Variants in ADGB observed in about 807,000 individuals in gnomAD.
ADGB encodes the protein calpain-7-like protein.
In ADGB, 172 loss-of-function variants were observed where a neutral mutation model predicts 210.5. The observed-to-expected ratio is 0.82, with a 90% CI of 0.72 to 0.93. The LOEUF is 0.93. ADGB is among the 40% of genes least tolerant of loss of function. ADGB has a pLI of 0.00. For synonymous variants in ADGB, 658 were observed against 662.7 expected (o/e 0.99, Z 0.11); for missense variants, 2,025 against 1,964.8 (o/e 1.03, Z -0.58).
At chr6:146,779,273 T>C (rs1024919525) in intron 29 of ADGB, among the ~76,000 whole-genome samples, 2 of 152,210 alleles carry the variant, frequency 1.3e-5, no homozygotes, top group African/African-American at 4.8e-5. Context: ...TCTGAGATTA[T>C]GCAGTCTGAG....
intron 5 of ADGB, among the ~76,000 whole-genome samples, chr6:146,662,167 T>A (rs1226920186): frequency 1.3e-5 from 2 of 152,188 alleles, no homozygotes; most frequent in African/African-American, 4.8e-5. Flanking sequence ...TGTAGGTTTA[T>A]GTCTTATGAC....
At chr6:146,663,207 T>A (rs1366510941) in intron 5 of ADGB, among the ~76,000 whole-genome samples, 1 of 143,068 alleles carries the variant, frequency 7.0e-6, no homozygotes, top group Non-Finnish European at 1.5e-5. Context: ...TAAGGTTTTT[T>A]ATATATATAT....
chr6:146,700,712 C>G (rs1776477707), intron 12 of ADGB, among the ~76,000 whole-genome samples: 1 of 151,988 alleles, frequency 6.6e-6, no homozygotes, highest in African/African-American at 2.4e-5. Context: ...AAATAGTGTT[C>G]TAGAATTTTT....
At chr6:146,736,464 G>C (rs564564335) in intron 22 of ADGB, 34 bp from the exon 23 acceptor site, 4 of 1,362,254 alleles carry the variant, frequency 2.9e-6, no homozygotes, top group East Asian at 2.5e-5. Flanking sequence ...GCATCTTAAA[G>C]CTTAACGTTT....
chr6:146,784,501 A>G (rs1296526949), intron 30 of ADGB, 117 bp from the exon 31 acceptor site: 2 of 851,664 alleles, frequency 2.3e-6, no homozygotes, highest in African/African-American at 1.8e-5. Context: ...TTGTGAATAT[A>G]TGTTTTCATT....
At chr6:146,632,045 T>C (rs1781074174) in intron 1 of ADGB, among the ~76,000 whole-genome samples, 1 of 151,996 alleles carries the variant, frequency 6.6e-6, no homozygotes, top group African/African-American at 2.4e-5. Flanking sequence ...CTCAGTGTAT[T>C]AGTTTCTTAT....
At chr6:146,762,451 T>C (rs1777505878) in intron 27 of ADGB, among the ~76,000 whole-genome samples, 2 of 152,162 alleles carry the variant, frequency 1.3e-5, no homozygotes, top group Admixed American at 1.3e-4. Context: ...TTAAGCACAT[T>C]TTAAATAGCT....
At chr6:146,795,571 T>G (rs892164009) in intron 33 of ADGB, among the ~76,000 whole-genome samples, 2 of 152,104 alleles carry the variant, frequency 1.3e-5, no homozygotes, top group Non-Finnish European at 2.9e-5. Context: ...TCACTGATCA[T>G]TAGAAAAATA....
rs375080738 is a variant in ADGB, at chr6:146,717,442, T to C, written c.1929-94T>C. ...CAATACTGTTGTTATTTTTTAACTT[T>C]CTTCCTACAATAATTTGATTATAAG... On this transcript the variant is annotated intron_variant, in intron 15 of 35. Coordinates refer to ENST00000397944, the MANE Select transcript of ADGB (RefSeq NM_024694.4). 4.5e-4 allele frequency: 317 copies of C among 702,264 alleles called. No individual in the cohort carries two copies. In the African/African-American group the frequency reaches 5.4e-3, roughly 12 times the overall value. The allele number at this position is 702,264 out of a possible 1,614,324, so 43.5% of individuals were successfully genotyped here. A position where few individuals can be genotyped will look rare whatever the true frequency, so the allele number is the denominator to read the frequency against.
At chr6:146,724,984 GATCA>G (rs1776873360) in intron 18 of ADGB, 1 of 152,020 alleles carries the variant, frequency 6.6e-6, no homozygotes, top group Non-Finnish European at 1.5e-5. Flanking sequence ...TTTTTCCCAA[GATCA>G]ATCATGCTAA....
intron 35 of ADGB, chr6:146,802,478 G>T: frequency 4.4e-6 from 1 of 225,776 alleles, no homozygotes; most frequent in Non-Finnish European, 8.6e-6. Context: ...ATATTTTTAT[G>T]CAGGATTGCA....
In ADGB at chr6:146,784,706, T is replaced by C. The variant is rs1202575451; in HGVS notation, c.4124T>C (p.Phe1375Ser). 4.5e-6 allele frequency: 7 copies of C among 1,551,394 alleles called. No homozygotes were observed. The highest frequency in any genetic ancestry group is 2.4e-5 in the South Asian group (2 of 84,008). Residue 1375 changes from phenylalanine to serine, a missense_variant, in exon 31 of 36, where the codon TTT becomes TCT. Transcript: ENST00000397944. ...ACTGAACACAATGAATCAGAATTATTTGAAGTGAAAAAGGATACAGAAAGG... is the reference window on the plus strand; with the variant it reads ...ACTGAACACAATGAATCAGAATTATCTGAAGTGAAAAAGGATACAGAAAGG... Reference protein sequence around the residue: ...LVTEHNESELFEVKKDTERAD... With the variant: ...LVTEHNESELSEVKKDTERAD...
chr6:146,661,741 C>CT (rs1775862394), intron 5 of ADGB, among the ~76,000 whole-genome samples: 1 of 151,822 alleles, frequency 6.6e-6, no homozygotes, highest in Non-Finnish European at 1.5e-5. Flanking sequence ...ATTCTCCTTT[C>CT]TTTTTATTTC....
At chr6:146,683,448 C>T (rs1776184263) in intron 9 of ADGB, among the ~76,000 whole-genome samples, 1 of 152,056 alleles carries the variant, frequency 6.6e-6, no homozygotes, top group Non-Finnish European at 1.5e-5. Flanking sequence ...TATTTATAAT[C>T]AGCTTCTAGT....
intron 35 of ADGB, 28 bp from the exon 36 acceptor site, chr6:146,815,004 A>G (rs1050178794): frequency 6.6e-7 from 1 of 1,518,742 alleles, no homozygotes; most frequent in Non-Finnish European, 8.8e-7. Flanking sequence ...AGTGGAACTT[A>G]TTTGTTTGGG....
intron 21 of ADGB, among the ~76,000 whole-genome samples, chr6:146,733,532 T>C (rs1442995543): frequency 6.6e-6 from 1 of 152,158 alleles, no homozygotes; most frequent in Non-Finnish European, 1.5e-5. Context: ...CTAATCTATA[T>C]GGTTTGATTT....
chr6:146,676,181 G>A (rs2114906984), intron 8 of ADGB, 132 bp from the exon 9 acceptor site: 1 of 806,900 alleles, frequency 1.2e-6, no homozygotes, highest in East Asian at 3.0e-5. Flanking sequence ...ATGTTTTGGA[G>A]AAATTATGGC....
intron 10 of ADGB, among the ~76,000 whole-genome samples, chr6:146,686,957 A>G (rs2114917734): frequency 6.6e-6 from 1 of 152,190 alleles, no homozygotes; most frequent in Non-Finnish European, 1.5e-5. Context: ...TGTGCATTAC[A>G]TTTGTCTTTT....
chr6:146,813,213 T>C (rs1778328021), intron 35 of ADGB, among the ~76,000 whole-genome samples: 1 of 152,204 alleles, frequency 6.6e-6, no homozygotes, highest in African/African-American at 2.4e-5. Flanking sequence ...CGTGACCCTT[T>C]GGTCTCAACA....
Sources: allele counts gnomAD v4.1 joint callset (sites outside exome capture counted in the v4.1 genomes callset), GRCh38; gene constraint gnomAD v4.1.1; transcripts MANE v1.5; gene names NCBI Gene and HGNC (gene_info 2026-07-23, HGNC 2026-07-21).